C1D: variants seen among roughly 807,000 people sequenced by gnomAD.
The protein encoded by C1D is C1D nuclear receptor corepressor.
C1D carries 10 observed loss-of-function variants against 17.5 expected under a neutral mutation model. The observed-to-expected ratio is 0.57, with a 90% CI of 0.35 to 0.97. The LOEUF (loss-of-function observed/expected upper bound fraction) is 0.97. C1D is among the 50% of genes least tolerant of loss of function. The probability of loss-of-function intolerance (pLI) is 0.01; values close to 1 mark genes in which losing one functional copy is unlikely to be tolerated. For missense variants in C1D, 136 were observed against 160.1 expected, an observed-to-expected ratio of 0.85 and a Z score of 0.81; for synonymous variants, 49 against 54.0, an observed-to-expected ratio of 0.91 and a Z score of 0.40.
At chr2:68,062,750 C>A (rs1671672732) in intron 1 of C1D, among the ~76,000 whole-genome samples, 2 of 152,084 alleles carry the variant, frequency 1.3e-5, no homozygotes, top group African/African-American at 2.4e-5. Flanking sequence ...CCAAAGCCTG[C>A]AAGCAGCCCC....
At chr2:68,061,775 G>C (rs2103821597) in intron 1 of C1D, among the ~76,000 whole-genome samples, 1 of 152,220 alleles carries the variant, frequency 6.6e-6, no homozygotes, top group Non-Finnish European at 1.5e-5. Flanking sequence ...CAGTAGCTGA[G>C]ATAATACATA....
chr2:68,050,717 A>T (rs926820729), intron 1 of C1D, among the ~76,000 whole-genome samples: 4 of 152,168 alleles, frequency 2.6e-5, no homozygotes, highest in Non-Finnish European at 5.9e-5. Flanking sequence ...TGAGGGTTTT[A>T]AATTGCTTTA....
intron 1 of C1D, among the ~76,000 whole-genome samples, chr2:68,052,077 GAAT>G (rs1671299526): frequency 6.6e-6 from 1 of 151,878 alleles, no homozygotes; most frequent in Non-Finnish European, 1.5e-5. Flanking sequence ...TCATCCTTGA[GAAT>G]ATTACATGTC....
intron 1 of C1D, among the ~76,000 whole-genome samples, chr2:68,060,040 C>T (rs1334497745): frequency 2.0e-5 from 3 of 152,198 alleles, no homozygotes; most frequent in Non-Finnish European, 4.4e-5. Flanking sequence ...TTCCCACAAA[C>T]CTGCCCCTCC....
chr2:68,054,969 C>CT (rs142398518), intron 1 of C1D, among the ~76,000 whole-genome samples: 8,589 of 131,104 alleles, frequency 0.066, 382 homozygotes, highest in East Asian at 0.28. Context: ...CACATCCTTT[C>CT]TTTTTTTTTT....
At chr2:68,052,836 T>C (rs1671328572) in intron 1 of C1D, among the ~76,000 whole-genome samples, 1 of 152,056 alleles carries the variant, frequency 6.6e-6, no homozygotes, top group Admixed American at 6.6e-5. Flanking sequence ...GCGCAGAAAT[T>C]TCCCTCTGTC....
intron 4 of C1D, among the ~76,000 whole-genome samples, chr2:68,044,168 C>T (rs1360105184): frequency 1.3e-5 from 2 of 152,214 alleles, no homozygotes; most frequent in African/African-American, 2.4e-5. Context: ...CAACATACTA[C>T]ATATTCATAT....
At chr2:68,056,558 T>C (rs1671444331) in intron 1 of C1D, among the ~76,000 whole-genome samples, 1 of 152,020 alleles carries the variant, frequency 6.6e-6, no homozygotes, top group South Asian at 2.1e-4. Context: ...TTAAAGCCTC[T>C]ATGAATCAAT....
intron 4 of C1D, 121 bp from the exon 5 acceptor site, chr2:68,043,174 G>T: frequency 1.4e-6 from 1 of 701,306 alleles, no homozygotes; most frequent in Non-Finnish European, 2.3e-6. Context: ...TAAAGTGCAT[G>T]GTGCTAGGAA....
chr2:68,047,156 T>C lies in C1D; in HGVS notation c.138+17A>G, dbSNP rs1238688343. The stretch of plus-strand genomic sequence containing the variant: ...TTTTATGAAATTCATTTTTAGGAAA[T>C]TACATTTTTAAAATACCTTCTGCAA... On this transcript the variant is annotated intron_variant, in intron 2 of 4. Transcript: ENST00000410067. The C allele has an allele frequency of 6.3e-7, 1 of 1,589,882 alleles. No individual in the cohort carries two copies. Among genetic ancestry groups the C allele is most frequent in the Non-Finnish European group, 8.5e-7 (1 of 1,171,720 alleles).
At position 68,049,127 on chromosome 2, in the gene C1D, G is replaced by A. The variant is rs558512487; in HGVS notation, c.-9-1808C>T. The stretch of plus-strand genomic sequence containing the variant: ...CAGGAGAACTGCTTGAACCTGGGAG[G>A]TGGAGGTTGCAGTGAGCCAAGATTG... On this transcript the variant is annotated intron_variant, in intron 1 of 4. Coordinates refer to ENST00000410067, the MANE Select transcript of C1D (RefSeq NM_173177.3). Among the ~76,000 whole-genome samples, 4 of 151,930 alleles carry A rather than the reference G, an allele frequency of 2.6e-5. No homozygotes were observed. The South Asian group carries it at 8.3e-4, about 32-fold the overall frequency.
intron 1 of C1D, among the ~76,000 whole-genome samples, chr2:68,052,900 A>C (rs2103807155): frequency 6.6e-6 from 1 of 152,324 alleles, no homozygotes; most frequent in Non-Finnish European, 1.5e-5. Context: ...TATCAGCAGC[A>C]AACTCTTGAA....
intron 1 of C1D, among the ~76,000 whole-genome samples, chr2:68,052,704 A>C (rs1183889297): frequency 2.0e-5 from 3 of 152,198 alleles, no homozygotes; most frequent in African/African-American, 7.2e-5. Flanking sequence ...TAAAAAAATA[A>C]AGACAAGGGG....
chr2:68,061,453 A>G (rs1671626188), intron 1 of C1D, among the ~76,000 whole-genome samples: 1 of 152,248 alleles, frequency 6.6e-6, no homozygotes, highest in Non-Finnish European at 1.5e-5. Flanking sequence ...ATTGAGATGA[A>G]CAATTACATT....
intron 3 of C1D, 23 bp from the exon 4 acceptor site, chr2:68,046,066 A>T: frequency 2.0e-6 from 3 of 1,497,638 alleles, no homozygotes; most frequent in Non-Finnish European, 1.8e-6. Flanking sequence ...AATTTCATGG[A>T]ATAAAATGGT....
At chr2:68,047,115 A>G in intron 2 of C1D, 58 bp downstream of exon 2, 1 of 1,480,870 alleles carries the variant, frequency 6.8e-7, no homozygotes, top group Non-Finnish European at 9.2e-7. Context: ...CACATGTTTC[A>G]TAAAATAGCA....
intron 1 of C1D, among the ~76,000 whole-genome samples, chr2:68,059,805 GCCTTGTGC>G (rs1157825277): frequency 6.6e-6 from 1 of 152,118 alleles, no homozygotes; most frequent in Non-Finnish European, 1.5e-5. Context: ...AAGGACTCAG[GCCTTGTGC>G]CCCTTCTCTT....
chr2:68,055,035 T>G (rs1671400092), intron 1 of C1D, among the ~76,000 whole-genome samples: 1 of 151,862 alleles, frequency 6.6e-6, no homozygotes, highest in Non-Finnish European at 1.5e-5. Context: ...AAAAATATTG[T>G]TGCTCTGACA....
chr2:68,047,390 T>G, intron 1 of C1D, 71 bp from the exon 2 acceptor site: 3 of 1,091,752 alleles, frequency 2.7e-6, no homozygotes, highest in Non-Finnish European at 3.9e-6. Context: ...AAAAAAAAAA[T>G]CAATAGGTCA....
Sources: gnomAD v4.1 joint callset for allele counts (sites outside exome capture counted in the v4.1 genomes callset) on GRCh38, gnomAD v4.1.1 for gene constraint, MANE v1.5 for transcripts, NCBI Gene and HGNC (gene_info 2026-07-23, HGNC 2026-07-21) for gene names.